Variants in GJA9 observed in about 807,000 individuals in gnomAD.
GJA9 encodes gap junction protein alpha 9.
Under a neutral mutation model 0.4 loss-of-function variants are expected in GJA9, and 1 was observed. The ratio of observed to expected loss-of-function variants is 2.50; its 90% CI spans 0.89 to 11.88. The LOEUF (loss-of-function observed/expected upper bound fraction) is 11.88, where lower values mean the gene tolerates loss of function less well. Among genes scored for constraint, GJA9 ranks in the 30% most tolerant of loss-of-function variants. The pLI is 0.12. For missense variants in GJA9, 550 were observed against 602.8 expected, an observed-to-expected ratio of 0.91 and a Z score of 0.92; for synonymous variants, 190 against 219.1, an observed-to-expected ratio of 0.87 and a Z score of 1.17.
chr1:38,875,523 G>C lies in GJA9; in HGVS notation c.576C>G (p.His192Gln). Residue 192 changes from histidine (H) to glutamine (Q), a missense_variant, in exon 2 of 2, where the codon CAC (histidine) becomes CAG (glutamine). Coordinates refer to ENST00000357771, the MANE Select transcript of GJA9 (RefSeq NM_030772.5). Reference sequence around the variant, plus strand: ...AACAGTCGATTATATTTGGACACGGGTGGCCATGGCACTTAAATAGCGGCT... The same window carrying C: ...AACAGTCGATTATATTTGGACACGGCTGGCCATGGCACTTAAATAGCGGCT... Reference protein sequence around the residue: ...HLEPLFKCHGHPCPNIIDCFV... With the variant: ...HLEPLFKCHGQPCPNIIDCFV... 1 of 1,614,180 alleles carries C rather than the reference G, an allele frequency of 6.2e-7. No individual in the cohort carries two copies. Among genetic ancestry groups the C allele is most frequent in the African/African-American group, 1.3e-5 (1 of 75,062 alleles).
Position 38,875,425 on chromosome 1 carries a change from A to C in GJA9, c.674T>G (p.Leu225Ter), listed in dbSNP as rs775486847. ...MQSIATISLF[L>*]NILEIFHLGF... is the part of the protein sequence containing the mutation. The stretch of plus-strand genomic sequence containing the variant: ...TAGGTGGAAAATTTCAAGAATGTTT[A>C]AGAAAAGTGAAATAGTGGCTATAGA... The change falls in exon 2 of 2, where the codon TTA becomes TGA. Residue 225 changes from leucine to a stop codon, truncating the protein, a stop_gained. Transcript: ENST00000357771. LOFTEE classifies it low-confidence loss of function (END_TRUNC). 12 of 1,613,692 alleles carry C rather than the reference A, an allele frequency of 7.4e-6. No individual in the cohort carries two copies. Among genetic ancestry groups the C allele is most frequent in the African/African-American group, 1.3e-5 (1 of 74,880 alleles).
chr1:38,877,040 C>CTT (rs774625707), intron 1 of GJA9, among the ~76,000 whole-genome samples: 9 of 124,510 alleles, frequency 7.2e-5, no homozygotes, highest in African/African-American at 1.5e-4. Flanking sequence ...AAATTATATT[C>CTT]TTTTTTTTTT....
intron 1 of GJA9, among the ~76,000 whole-genome samples, chr1:38,880,357 C>G (rs1171132466): frequency 7.1e-6 from 1 of 140,602 alleles, no homozygotes; most frequent in Non-Finnish European, 1.5e-5. Context: ...GAGCCGAGAT[C>G]ACACCATTGC....
rs1642698258 is a variant in GJA9, at chr1:38,881,570, C to G, written c.-234G>C. 1 of 673,692 alleles carries G rather than the reference C, an allele frequency of 1.5e-6. No individual in the cohort carries two copies. Among genetic ancestry groups the G allele is most frequent in the Admixed American group, 2.2e-5 (1 of 45,598 alleles). 41.7% of individuals were successfully genotyped at this position (673,692 alleles called of 1,614,324 possible). On this transcript the variant is annotated 5_prime_UTR_variant, in exon 1 of 2. Transcript: ENST00000357771. Reference sequence around the variant, plus strand: ...CAGTTGAATGTAGTGAGTGAGTCATCCATCAACTAAAATCCATGTCCCTTT... The same window carrying G: ...CAGTTGAATGTAGTGAGTGAGTCATGCATCAACTAAAATCCATGTCCCTTT...
rs1422228910 is a variant in GJA9 at position 38,875,486 on chromosome 1, G to A, written c.613C>T (p.Pro205Ser). Residue 205 changes from proline (P) to serine (S), a missense_variant, in exon 2 of 2, where the codon CCA becomes TCA. Transcript: ENST00000357771. ...AATAGGAATATTGTCTTTTCTGTTGGTCTTGAGACAAAACAGTCGATTATA... is the reference window on the plus strand; with the variant it reads ...AATAGGAATATTGTCTTTTCTGTTGATCTTGAGACAAAACAGTCGATTATA... ...PNIIDCFVSR[P>S]TEKTIFLLFM... 2 of 1,614,062 alleles carry A rather than the reference G, an allele frequency of 1.2e-6. No individual in the cohort carries two copies. Among genetic ancestry groups the A allele is most frequent in the South Asian group, 2.2e-5 (2 of 91,080 alleles).
chr1:38,878,730 C>CTTTT (rs1240029430), intron 1 of GJA9, among the ~76,000 whole-genome samples: 1 of 103,426 alleles, frequency 9.7e-6, no homozygotes, highest in Non-Finnish European at 1.9e-5. Context: ...GTACCAGAAT[C>CTTTT]TTTTTTTTTT....
chr1:38,875,940 G>C lies in GJA9; in HGVS notation c.159C>G (p.Ile53Met). 1 of 1,614,246 alleles carries C rather than the reference G, an allele frequency of 6.2e-7. No individual in the cohort carries two copies. The highest frequency in any genetic ancestry group is 2.2e-5 in the East Asian group (1 of 44,892). The change falls in exon 2 of 2, where the codon ATC (isoleucine) becomes ATG (methionine). Residue 53 changes from isoleucine (I) to methionine (M), a missense_variant. Coordinates refer to ENST00000357771, the MANE Select transcript of GJA9 (RefSeq NM_030772.5). ...DVWNDEQSGFICNTEQPGCRN... is the reference protein window; with the variant it reads ...DVWNDEQSGFMCNTEQPGCRN... ...TGCAGCCTGGTTGTTCTGTATTGCA[G>C]ATGAAGCCAGACTGCTCATCATTCC...
rs543180516 is a variant in GJA9 at position 38,875,765 on chromosome 1, C to T, written c.334G>A (p.Ala112Thr). 1.2e-6 allele frequency: 2 copies of T among 1,614,132 alleles called. No individual in the cohort carries two copies. Among genetic ancestry groups the T allele is most frequent in the Non-Finnish European group, 1.7e-6 (2 of 1,180,062 alleles). The change falls in exon 2 of 2, where the codon GCT (alanine) becomes ACT (threonine). Residue 112 changes from alanine (A) to threonine (T), a missense_variant. Transcript: ENST00000357771. ...TCCTCCAGTTCTACTCTTAACTGAG[C>T]TTTCATCCTTTGCCTCTCTTCCTCA... is the stretch of plus-strand genomic sequence containing the variant. ...VLEEERQRMK[A>T]QLRVELEEVE... is the part of the protein sequence containing the mutation.
Position 38,874,591 on chromosome 1 carries a change from T to C in GJA9, c.1508A>G (p.Asn503Ser). 1.9e-6 allele frequency: 3 copies of C among 1,614,140 alleles called. No homozygotes were observed. The highest frequency in any genetic ancestry group is 2.5e-6 in the Non-Finnish European group (3 of 1,180,012). ...TGTGGGAACCCGCCTACCAATGAGA[T>C]TGTTCGTTAGGGACACTACGTGATT... ...PPNHVVSLTN[N>S]LIGRRVPTDL... is the part of the protein sequence containing the mutation. The change falls in exon 2 of 2, where the codon AAT becomes AGT. Residue 503 changes from asparagine to serine, a missense_variant. Transcript: ENST00000357771.
At chr1:38,880,275 G>C (rs1642667730) in intron 1 of GJA9, among the ~76,000 whole-genome samples, 1 of 147,400 alleles carries the variant, frequency 6.8e-6, no homozygotes, top group South Asian at 2.2e-4. Context: ...GTGGTGGCGG[G>C]CGCCTGTAGT....
intron 1 of GJA9, among the ~76,000 whole-genome samples, chr1:38,879,365 A>G (rs1642650495): frequency 6.6e-6 from 1 of 152,156 alleles, no homozygotes; most frequent in Non-Finnish European, 1.5e-5. Context: ...CAATCAAACA[A>G]ACTACTAAGA....
At chr1:38,878,399 A>G (rs1318803815) in intron 1 of GJA9, among the ~76,000 whole-genome samples, 1 of 150,642 alleles carries the variant, frequency 6.6e-6, no homozygotes, top group Non-Finnish European at 1.5e-5. Context: ...ATGAACTTCA[A>G]GCCCAGCACA....
In GJA9 at chr1:38,874,693, T is replaced by G. The variant is rs768345163; in HGVS notation, c.1406A>C (p.Asn469Thr). Residue 469 changes from asparagine to threonine, a missense_variant, in exon 2 of 2, where the codon AAC (asparagine) becomes ACC (threonine). Coordinates refer to ENST00000357771, the MANE Select transcript of GJA9 (RefSeq NM_030772.5). ...QGDSQSLDIP[N>T]TADSLGGLSF... Reference sequence around the variant, plus strand: ...CAGCCCTCCCAAAGAATCAGCAGTGTTTGGAATGTCAAGTGATTGAGAATC... The same window carrying G: ...CAGCCCTCCCAAAGAATCAGCAGTGGTTGGAATGTCAAGTGATTGAGAATC... The G allele has an allele frequency of 3.7e-6, 6 of 1,614,036 alleles. No homozygotes were observed. The South Asian group carries it at 4.4e-5, about 12-fold the overall frequency.
chr1:38,876,718 C>T (rs556468804), intron 1 of GJA9, among the ~76,000 whole-genome samples: 5 of 151,890 alleles, frequency 3.3e-5, no homozygotes, highest in Admixed American at 2.0e-4. Flanking sequence ...ATAGGCTGGG[C>T]GGGGTGGCTC....
At chr1:38,879,749 C>T (rs377698318) in intron 1 of GJA9, among the ~76,000 whole-genome samples, 1 of 152,090 alleles carries the variant, frequency 6.6e-6, no homozygotes, top group African/African-American at 2.4e-5. Context: ...TTTTCTGAGA[C>T]GGAGTCTCGC....
rs1305818346 is a variant in GJA9 at position 38,874,745 on chromosome 1, CTG to C, written c.1352_1353del (p.Thr451SerfsTer15). 6.2e-7 allele frequency: 1 copy of C among 1,614,086 alleles called. No individual in the cohort carries two copies. The highest frequency in any genetic ancestry group is 8.5e-7 in the Non-Finnish European group (1 of 1,180,038). On this transcript the variant is annotated frameshift_variant, in exon 2 of 2. Transcript: ENST00000357771. LOFTEE classifies it low-confidence loss of function (END_TRUNC). ...CCTTGTGAAGGAGGAAGGGTTCTGACTGTGCCCTTTCTGAACTGGCCCTTGAG... is the reference window on the plus strand; with the variant it reads ...CCTTGTGAAGGAGGAAGGGTTCTGACTGCCCTTTCTGAACTGGCCCTTGAG... Reference protein sequence around the residue: ...GNLKGQFRKGTVRTLPPSQGD... With the variant: ...GNLKGQFRKGXVRTLPPSQGD...
chr1:38,874,391 A>T lies in GJA9; in HGVS notation c.*160T>A. 1.7e-6 allele frequency: 1 copy of T among 572,674 alleles called. No homozygotes were observed. The highest frequency in any genetic ancestry group is 2.9e-5 in the East Asian group (1 of 35,052). The allele number at this position is 572,674 out of a possible 1,614,324, so 35.5% of individuals were successfully genotyped here. A position where few individuals can be genotyped will look rare whatever the true frequency, so the allele number is the denominator to read the frequency against. On this transcript the variant is annotated 3_prime_UTR_variant, in exon 2 of 2. Coordinates refer to ENST00000357771, the MANE Select transcript of GJA9 (RefSeq NM_030772.5). Reference sequence around the variant, plus strand: ...TTTGAATTTAGAAGTGTTGCTTCACAATCTCGAATTAGAGCTGTTTTTCTC... The same window carrying T: ...TTTGAATTTAGAAGTGTTGCTTCACTATCTCGAATTAGAGCTGTTTTTCTC...
At chr1:38,878,893 C>T (rs1642641078) in intron 1 of GJA9, among the ~76,000 whole-genome samples, 1 of 151,784 alleles carries the variant, frequency 6.6e-6, no homozygotes, top group African/African-American at 2.4e-5. Context: ...GCCACCATGC[C>T]CAGCTAATTT....
chr1:38,876,346 TC>T, intron 1 of GJA9, 153 bp from the exon 2 acceptor site: 1 of 485,718 alleles, frequency 2.1e-6, no homozygotes, highest in Non-Finnish European at 3.7e-6. Flanking sequence ...CAACCACAAC[TC>T]CCTGCAGCCT....
Sources: allele counts gnomAD v4.1 joint callset (sites outside exome capture counted in the v4.1 genomes callset), GRCh38; gene constraint gnomAD v4.1.1; transcripts MANE v1.5; gene names NCBI Gene and HGNC (gene_info 2026-07-23, HGNC 2026-07-21).